COL28A1: variants seen among roughly 807,000 people sequenced by gnomAD.
COL28A1 encodes collagen alpha-1(XXVIII) chain.
A neutral mutation model predicts 150.2 loss-of-function variants in COL28A1; 161 were observed. That is an observed-to-expected ratio of 1.07 (90% CI 0.94 to 1.22). The LOEUF is 1.22. Among genes scored for constraint, COL28A1 ranks in the 50% most tolerant of loss-of-function variants. The pLI is 0.00. For missense variants in COL28A1, 1,617 were observed against 1,388.3 expected, an observed-to-expected ratio of 1.16 and a Z score of -2.62; for synonymous variants, 552 against 469.7, an observed-to-expected ratio of 1.18 and a Z score of -2.26.
At chr7:7,464,511 C>T (rs988027414) in intron 15 of COL28A1, among the ~76,000 whole-genome samples, 2 of 152,152 alleles carry the variant, frequency 1.3e-5, no homozygotes, top group Non-Finnish European at 2.9e-5. Context: ...CAAAATGAAC[C>T]TTCAAAGCCA....
At chr7:7,532,589 A>G (rs1485389067) in intron 2 of COL28A1, among the ~76,000 whole-genome samples, 163 bp downstream of exon 2, 1 of 152,160 alleles carries the variant, frequency 6.6e-6, no homozygotes, top group African/African-American at 2.4e-5. Flanking sequence ...CTGATGTGCT[A>G]TAAGTATGTA....
rs1583281861 is a variant in COL28A1, at chr7:7,393,839, A to C, written c.2137-12227T>G. On this transcript the variant is annotated intron_variant, in intron 27 of 34. Transcript: ENST00000399429. Reference sequence around the variant, plus strand: ...TGCTGTGCTGGCAGTGAGAATTTCAAGCCATTGGATCTTAGCTTGCTAGGC... The same window carrying C: ...TGCTGTGCTGGCAGTGAGAATTTCACGCCATTGGATCTTAGCTTGCTAGGC... Among the ~76,000 whole-genome samples, 20 of 152,218 alleles carry C rather than the reference A, an allele frequency of 1.3e-4. No individual in the cohort carries two copies. In the South Asian group the frequency reaches 4.1e-3, roughly 32 times the overall value.
the COL28A1 span, among the ~76,000 whole-genome samples, chr7:7,340,413 T>C: frequency 2.0e-5 from 3 of 152,122 alleles, no homozygotes; most frequent in Admixed American, 6.6e-5. Context: ...TTGGGACTAC[T>C]TAACATTGTT....
At position 7,397,580 on chromosome 7, in the gene COL28A1, T is replaced by A. The variant is rs188940207; in HGVS notation, c.2137-15968A>T. 7.9e-5 allele frequency among the ~76,000 whole-genome samples: 12 copies of A among 152,358 alleles called. 1 individual carries two copies. The South Asian group carries it at 1.0e-3, about 13-fold the overall frequency. ...TTAGATCATATCATGAATATGTGTATGTGCAAGTTAACTTAATTTGCACTC... is the reference window on the plus strand; with the variant it reads ...TTAGATCATATCATGAATATGTGTAAGTGCAAGTTAACTTAATTTGCACTC... On this transcript the variant is annotated intron_variant, in intron 27 of 34. Coordinates refer to ENST00000399429, the MANE Select transcript of COL28A1 (RefSeq NM_001037763.3).
chr7:7,501,714 T>G (rs1780535918), intron 11 of COL28A1, among the ~76,000 whole-genome samples: 1 of 152,164 alleles, frequency 6.6e-6, no homozygotes, highest in Non-Finnish European at 1.5e-5. Context: ...CACATGTGAT[T>G]GCAACCTGAG....
At chr7:7,456,616 T>C (rs1424635605) in intron 15 of COL28A1, among the ~76,000 whole-genome samples, 1 of 152,218 alleles carries the variant, frequency 6.6e-6, no homozygotes, top group Non-Finnish European at 1.5e-5. Context: ...TCTTCTTCCA[T>C]GAAATTGAGA....
At chr7:7,383,251 TGTG>T (rs1781970978) in intron 27 of COL28A1, among the ~76,000 whole-genome samples, 1 of 69,654 alleles carries the variant, frequency 1.4e-5, no homozygotes, top group Non-Finnish European at 2.8e-5. Flanking sequence ...TTTTTTTTGT[TGTG>T]TGTGTGTGTG....
chr7:7,364,719 G>GA (rs929594993), intron 33 of COL28A1, among the ~76,000 whole-genome samples: 1 of 150,922 alleles, frequency 6.6e-6, no homozygotes, highest in African/African-American at 2.4e-5. Context: ...ATGGGTAGAG[G>GA]AAAAAAAAAT....
chr7:7,375,134 C>T (rs1343431483), intron 31 of COL28A1, among the ~76,000 whole-genome samples: 2 of 152,172 alleles, frequency 1.3e-5, no homozygotes, highest in East Asian at 3.9e-4. Context: ...GTCATATTTC[C>T]TTTGTTGAGT....
chr7:7,534,511 C>G (rs1308388207), intron 1 of COL28A1, among the ~76,000 whole-genome samples: 3 of 152,146 alleles, frequency 2.0e-5, no homozygotes, highest in Admixed American at 6.5e-5. Flanking sequence ...TTACATATGA[C>G]TTTTCTCTTT....
intron 3 of COL28A1, among the ~76,000 whole-genome samples, chr7:7,527,415 T>C (rs1217359956): frequency 1.3e-5 from 2 of 152,204 alleles, no homozygotes; most frequent in Non-Finnish European, 1.5e-5. Context: ...TGCTGTCCTA[T>C]ATGTCAAAGT....
chr7:7,432,214 T>C (rs1028222766), intron 25 of COL28A1, among the ~76,000 whole-genome samples: 2 of 152,036 alleles, frequency 1.3e-5, no homozygotes, highest in African/African-American at 4.8e-5. Context: ...ATCTCCGACT[T>C]GTACCCTGAT....
At chr7:7,392,828 G>A (rs563792539) in intron 27 of COL28A1, among the ~76,000 whole-genome samples, 113 of 152,168 alleles carry the variant, frequency 7.4e-4, no homozygotes, top group African/African-American at 2.6e-3. Context: ...GCTCCATCAG[G>A]TCATTTATGT....
At chr7:7,464,265 G>A (rs564317164) in intron 15 of COL28A1, among the ~76,000 whole-genome samples, 36 of 152,166 alleles carry the variant, frequency 2.4e-4, no homozygotes, top group Admixed American at 1.4e-3. Flanking sequence ...GAGACAGAAC[G>A]TCAACAAAGA....
chr7:7,522,475 A>C (rs1051617820), intron 4 of COL28A1, among the ~76,000 whole-genome samples: 1 of 152,160 alleles, frequency 6.6e-6, no homozygotes. Flanking sequence ...CCTCATTTTA[A>C]CAACTCTGAA....
intron 20 of COL28A1, among the ~76,000 whole-genome samples, chr7:7,441,231 T>C (rs2128320418): frequency 6.6e-6 from 1 of 152,346 alleles, no homozygotes; most frequent in South Asian, 2.1e-4. Context: ...TGTTTTTCAA[T>C]TTTTCTATTT....
At chr7:7,422,865 G>A (rs1315365652) in intron 25 of COL28A1, among the ~76,000 whole-genome samples, 1 of 152,148 alleles carries the variant, frequency 6.6e-6, no homozygotes, top group Non-Finnish European at 1.5e-5. Flanking sequence ...ACACCATGAG[G>A]ATATCATCAG....
intron 10 of COL28A1, among the ~76,000 whole-genome samples, chr7:7,506,495 G>C (rs552059743): frequency 6.6e-6 from 1 of 152,304 alleles, no homozygotes; most frequent in Admixed American, 6.5e-5. Flanking sequence ...GAAGTTAGTG[G>C]TTAACTAGAT....
chr7:7,459,757 C>G (rs951749152), intron 15 of COL28A1, among the ~76,000 whole-genome samples: 2 of 152,214 alleles, frequency 1.3e-5, no homozygotes, highest in Admixed American at 6.5e-5. Context: ...CAACGAGGAG[C>G]TGACCTGACC....
Sources: allele counts gnomAD v4.1 joint callset (sites outside exome capture counted in the v4.1 genomes callset), GRCh38; gene constraint gnomAD v4.1.1; transcripts MANE v1.5; gene names NCBI Gene and HGNC (gene_info 2026-07-23, HGNC 2026-07-21).